RAB28: variants seen among roughly 807,000 people sequenced by gnomAD.
The protein encoded by RAB28 is ras-related protein Rab-28.
Under a neutral mutation model 31.7 loss-of-function variants are expected in RAB28, and 24 were observed. The ratio of observed to expected loss-of-function variants is 0.76; its 90% CI spans 0.55 to 1.06. The LOEUF is 1.06. Ranked by LOEUF, RAB28 falls within the 50% of genes least tolerant of loss-of-function variation. The probability of loss-of-function intolerance (pLI) is 0.00; values close to 1 mark genes in which losing one functional copy is unlikely to be tolerated. For synonymous variants in RAB28, 100 were observed against 90.4 expected (o/e 1.11, Z -0.60); for missense variants, 254 against 258.5 (o/e 0.98, Z 0.12).
rs1207636072 is a variant in RAB28 at position 13,484,245 on chromosome 4, C to T, written c.-95G>A. 4.2e-6 allele frequency: 4 copies of T among 945,750 alleles called. No homozygotes were observed. Among genetic ancestry groups the T allele is most frequent in the South Asian group, 2.8e-5 (2 of 71,168 alleles). 58.6% of individuals were successfully genotyped at this position (945,750 alleles called of 1,614,324 possible). ...GGGAGAGGAGGAAGGGAGGTAGTTGCGGCAGGACCCCCGCCCCGGTGTCTC... is the reference window on the plus strand; with the variant it reads ...GGGAGAGGAGGAAGGGAGGTAGTTGTGGCAGGACCCCCGCCCCGGTGTCTC... On this transcript the variant is annotated 5_prime_UTR_variant, in exon 1 of 7. Transcript: ENST00000330852.
At chr4:13,375,805 A>AGC (rs1486213454) in intron 6 of RAB28, among the ~76,000 whole-genome samples, 1 of 145,200 alleles carries the variant, frequency 6.9e-6, no homozygotes, top group Non-Finnish European at 1.5e-5. Flanking sequence ...AGAGAGAGAG[A>AGC]GAGACCATGA....
At chr4:13,447,979 A>T (rs1714781673) in intron 4 of RAB28, among the ~76,000 whole-genome samples, 1 of 152,162 alleles carries the variant, frequency 6.6e-6, no homozygotes, top group Non-Finnish European at 1.5e-5. Flanking sequence ...GGAGTCAAAG[A>T]TGCTTAGGTA....
intron 4 of RAB28, among the ~76,000 whole-genome samples, chr4:13,417,065 C>T (rs575137737): frequency 3.3e-5 from 5 of 152,336 alleles, no homozygotes; most frequent in East Asian, 1.9e-4. Context: ...TCTTAGCAAA[C>T]GGCACATCAG....
intron 4 of RAB28, among the ~76,000 whole-genome samples, chr4:13,390,041 T>C (rs1729556126): frequency 6.6e-6 from 1 of 152,174 alleles, no homozygotes; most frequent in Admixed American, 6.5e-5. Flanking sequence ...CAACATAGTG[T>C]TGGAAGTTCC....
At position 13,368,213 on chromosome 4, in the gene RAB28, A is replaced by G; in HGVS notation, c.*345T>C. On this transcript the variant is annotated 3_prime_UTR_variant, in exon 7 of 7. Transcript: ENST00000330852. ...TGCTGTGGCAAAATCCTGGCTGATG[A>G]TCAAGACTTGGAGAGTTTTCATATT... is the stretch of plus-strand genomic sequence containing the variant. 5 of 995,966 alleles carry G rather than the reference A, an allele frequency of 5.0e-6. No homozygotes were observed. Among genetic ancestry groups the G allele is most frequent in the Non-Finnish European group, 6.0e-6 (5 of 837,130 alleles). The allele number at this position is 995,966 out of a possible 1,614,324, so 61.7% of individuals were successfully genotyped here.
intron 4 of RAB28, among the ~76,000 whole-genome samples, chr4:13,403,823 A>G (rs1711918278): frequency 6.6e-6 from 1 of 152,246 alleles, no homozygotes; most frequent in Non-Finnish European, 1.5e-5. Context: ...GCAAATGTTT[A>G]TAATACATAA....
At chr4:13,453,473 G>A (rs1715085561) in intron 4 of RAB28, among the ~76,000 whole-genome samples, 1 of 152,064 alleles carries the variant, frequency 6.6e-6, no homozygotes, top group African/African-American at 2.4e-5. Flanking sequence ...TCTCATGATG[G>A]TGGTTACTGT....
At position 13,410,519 on chromosome 4, in the gene RAB28, A is replaced by G. The variant is rs551845863; in HGVS notation, c.392-28925T>C. On this transcript the variant is annotated intron_variant, in intron 4 of 6. Transcript: ENST00000330852. The stretch of plus-strand genomic sequence containing the variant: ...TAATAACTTAGAAAGTTTGCTTTCA[A>G]GATAAGAGCTGCAAAAAAATAAATA... Among the ~76,000 whole-genome samples, 175 of 152,122 alleles carry G rather than the reference A, an allele frequency of 1.2e-3. 1 individual carries two copies. Among genetic ancestry groups the G allele is most frequent in the Non-Finnish European group, 1.9e-3 (130 of 68,028 alleles).
intron 4 of RAB28, among the ~76,000 whole-genome samples, chr4:13,383,708 C>T (rs1053714589): frequency 1.4e-4 from 21 of 152,144 alleles, no homozygotes; most frequent in African/African-American, 5.1e-4. Context: ...GTGCTGTTCT[C>T]ATGATAGTAA....
intron 2 of RAB28, among the ~76,000 whole-genome samples, chr4:13,476,397 T>A (rs978962744): frequency 1.3e-5 from 2 of 151,484 alleles, no homozygotes; most frequent in African/African-American, 4.8e-5. Flanking sequence ...CAAATTCCAG[T>A]GACTCAGAAA....
Position 13,479,444 on chromosome 4 carries a change from C to G in RAB28, c.158G>C (p.Arg53Thr). 1 of 1,600,850 alleles carries G rather than the reference C, an allele frequency of 6.2e-7. No homozygotes were observed. The highest frequency in any genetic ancestry group is 8.5e-7 in the Non-Finnish European group (1 of 1,170,292). Residue 53 changes from arginine to threonine, a missense_variant, in exon 2 of 7, where the codon AGG becomes ACG. Arg to Thr is a moderately conservative substitution (Grantham distance 71). Transcript: ENST00000330852. The part of the protein sequence containing the change: ...QTIGLDFFLR[R>T]ITLPGNLNVT... ...TAGTCTCTTACCTGGCAATGTTATC[C>G]TTCTCAAAAAGAAATCCAGTCCTAT...
intron 4 of RAB28, among the ~76,000 whole-genome samples, chr4:13,455,212 T>A (rs1374864868): frequency 1.3e-5 from 2 of 152,150 alleles, no homozygotes; most frequent in Non-Finnish European, 2.9e-5. Context: ...AGTGGGCTGT[T>A]TCTCCGGACC....
chr4:13,415,665 C>G (rs190186882), intron 4 of RAB28, among the ~76,000 whole-genome samples: 6 of 152,214 alleles, frequency 3.9e-5, no homozygotes, highest in African/African-American at 1.4e-4. Context: ...CCCCTCCAAC[C>G]ACGCCACCCT....
chr4:13,398,691 C>G (rs1019247072), intron 4 of RAB28, among the ~76,000 whole-genome samples: 1 of 150,644 alleles, frequency 6.6e-6, no homozygotes, highest in African/African-American at 2.4e-5. Flanking sequence ...GGCAGGAGAA[C>G]GGCGTGAACC....
At chr4:13,426,923 T>C (rs931670990) in intron 4 of RAB28, among the ~76,000 whole-genome samples, 7 of 152,166 alleles carry the variant, frequency 4.6e-5, no homozygotes, top group Middle Eastern at 3.2e-3. Flanking sequence ...CTTTAGAGGT[T>C]TGAGTTTTCA....
chr4:13,396,345 C>T (rs1317495381), intron 4 of RAB28, among the ~76,000 whole-genome samples: 1 of 151,966 alleles, frequency 6.6e-6, no homozygotes. Context: ...GTTTATGCCC[C>T]TACTCAGATA....
At chr4:13,449,087 TTTTCAAA>T (rs1714839551) in intron 4 of RAB28, among the ~76,000 whole-genome samples, 2 of 152,100 alleles carry the variant, frequency 1.3e-5, no homozygotes, top group South Asian at 2.1e-4. Context: ...GAGAATGAAC[TTTTCAAA>T]TCCCCGAAAA....
At chr4:13,458,668 G>A (rs1244391512) in intron 4 of RAB28, among the ~76,000 whole-genome samples, 1 of 152,134 alleles carries the variant, frequency 6.6e-6, no homozygotes, top group Non-Finnish European at 1.5e-5. Context: ...TATGATGGTG[G>A]TCCCATAAGA....
At chr4:13,415,703 A>G (rs28817049) in intron 4 of RAB28, among the ~76,000 whole-genome samples, 11,819 of 151,122 alleles carry the variant, frequency 0.078, 1,139 homozygotes, top group African/African-American at 0.23. Context: ...AAGCCTCCCC[A>G]ACGAGCACCA....
Sources: allele counts gnomAD v4.1 joint callset (sites outside exome capture counted in the v4.1 genomes callset), GRCh38; gene constraint gnomAD v4.1.1; transcripts MANE v1.5; gene names NCBI Gene and HGNC (gene_info 2026-07-23, HGNC 2026-07-21).